The following ACYP1 variants were observed in gnomAD, a reference collection of about 807,000 sequenced individuals.
ACYP1 encodes the protein acylphosphatase 1, also known as acylphosphatase-1.
ACYP1 carries 8 observed loss-of-function variants against 10.4 expected under a neutral mutation model. The ratio of observed to expected loss-of-function variants is 0.77; its 90% CI spans 0.45 to 1.38. ACYP1 has a LOEUF of 1.38. Among genes scored for constraint, ACYP1 ranks in the 40% most tolerant of loss-of-function variants. The pLI, the probability that ACYP1 is intolerant of heterozygous loss-of-function variation, is 0.00. For missense variants in ACYP1, 93 were observed against 117.3 expected (o/e 0.79, Z 0.96); for synonymous variants, 38 against 40.8 (o/e 0.93, Z 0.26).
intron 1 of ACYP1, 90 bp from the exon 2 acceptor site, chr14:75,063,651 CATCCTTA>C: frequency 9.9e-7 from 1 of 1,012,366 alleles, no homozygotes; most frequent in Non-Finnish European, 1.5e-6. Flanking sequence ...CACCCCTGTC[CATCCTTA>C]ACCATTGCGA....
At chr14:75,059,563 G>T (rs1892968568) in intron 2 of ACYP1, among the ~76,000 whole-genome samples, 1 of 152,140 alleles carries the variant, frequency 6.6e-6, no homozygotes. Context: ...TCTGATAAGG[G>T]ACTAGTATCC....
At chr14:75,056,992 A>G (rs181756744) in intron 2 of ACYP1, among the ~76,000 whole-genome samples, 2 of 151,614 alleles carry the variant, frequency 1.3e-5, no homozygotes, top group African/African-American at 4.9e-5. Flanking sequence ...ACTCTACTCA[A>G]TATTATACTT....
exon 1 of ACYP1, chr14:75,069,292 C>T: frequency 7.0e-7 from 1 of 1,435,238 alleles, no homozygotes; most frequent in African/African-American, 1.5e-5. Flanking sequence ...ACGCCGGCAT[C>T]CTGCGGCGGA....
chr14:75,057,964 CAAAA>C (rs769312151), intron 2 of ACYP1, among the ~76,000 whole-genome samples: 18 of 38,808 alleles, frequency 4.6e-4, no homozygotes, highest in African/African-American at 3.2e-4. Context: ...GACTCTGTCT[CAAAA>C]AAAAAAAAAA....
Position 75,053,276 on chromosome 14 carries a change from G to T in ACYP1, c.*168C>A. ...TAACGTTTTTATTGATTAGATTTGT[G>T]TACAGTGGTAATCCTTCCATCATAC... is the stretch of plus-strand genomic sequence containing the variant. On this transcript the variant is annotated 3_prime_UTR_variant, in exon 3 of 3. Transcript: ENST00000238618. The T allele has an allele frequency of 1.6e-6, 1 of 643,378 alleles. No individual in the cohort carries two copies. Among genetic ancestry groups the T allele is most frequent in the Non-Finnish European group, 2.7e-6 (1 of 376,486 alleles). The allele number at this position is 643,378 out of a possible 1,614,324, so 39.9% of individuals were successfully genotyped here.
upstream of ACYP1, among the ~76,000 whole-genome samples, chr14:75,064,637 G>C (rs1893112138): frequency 6.6e-6 from 1 of 152,172 alleles, no homozygotes. Flanking sequence ...GGGAGGCTGA[G>C]GCAGGAGAAT....
rs1594789784 is a variant in ACYP1, at chr14:75,053,349, TGAC to T, written c.*92_*94del. 4.5e-6 allele frequency: 5 copies of T among 1,100,634 alleles called. No individual in the cohort carries two copies. The highest frequency in any genetic ancestry group is 6.7e-6 in the Non-Finnish European group (5 of 740,778). 68.2% of individuals were successfully genotyped at this position (1,100,634 alleles called of 1,614,324 possible). On this transcript the variant is annotated 3_prime_UTR_variant, in exon 3 of 3. Coordinates refer to ENST00000238618, the MANE Select transcript of ACYP1 (RefSeq NM_001107.5). ...AAAATCTGACATTAAAATAACTTAT[TGAC>T]TAATGCTAATATTAACACACAATAG...
chr14:75,058,834 C>T (rs533864164), intron 2 of ACYP1, among the ~76,000 whole-genome samples: 1 of 152,302 alleles, frequency 6.6e-6, no homozygotes, highest in South Asian at 2.1e-4. Flanking sequence ...TTTCCTACCT[C>T]ACATCACATA....
Position 75,053,666 on chromosome 14 carries a change from G to C in ACYP1, c.85-7C>G, listed in dbSNP as rs747850351. ...CCAGCTTTTTACCCTCAGCCTAAGG[G>C]GGGTAAAAAGAGAGAGAGATCCAGT... On this transcript the variant is annotated splice_region_variant and splice_polypyrimidine_tract_variant and intron_variant, in intron 2 of 2. Transcript: ENST00000238618. 2 of 1,612,264 alleles carry C rather than the reference G, an allele frequency of 1.2e-6. No individual in the cohort carries two copies. The highest frequency in any genetic ancestry group is 1.7e-6 in the Non-Finnish European group (2 of 1,178,414).
At chr14:75,062,850 A>G (rs1893062559) in intron 2 of ACYP1, among the ~76,000 whole-genome samples, 1 of 152,134 alleles carries the variant, frequency 6.6e-6, no homozygotes, top group Non-Finnish European at 1.5e-5. Context: ...CAGTTTGTCC[A>G]TCCCCTCAAA....
chr14:75,053,803 A>T (rs1406955822), intron 2 of ACYP1, 144 bp from the exon 3 acceptor site: 1 of 707,404 alleles, frequency 1.4e-6, no homozygotes, highest in South Asian at 1.9e-5. Flanking sequence ...AAAGACAGCA[A>T]GAAGGATCTC....
chr14:75,058,184 C>A (rs1892930877), intron 2 of ACYP1, among the ~76,000 whole-genome samples: 1 of 150,592 alleles, frequency 6.6e-6, no homozygotes, highest in African/African-American at 2.5e-5. Context: ...CACGGTGGCT[C>A]ACACCTGTAA....
chr14:75,069,389 C>T, exon 1 of ACYP1: 1 of 987,548 alleles, frequency 1.0e-6, no homozygotes, highest in East Asian at 3.2e-5. Flanking sequence ...CAGAAAAGTA[C>T]AAGTTCTTCT....
intron 2 of ACYP1, among the ~76,000 whole-genome samples, chr14:75,061,376 G>T (rs564034855): frequency 4.8e-4 from 73 of 152,258 alleles, no homozygotes; most frequent in Non-Finnish European, 9.8e-4. Flanking sequence ...ATTTAAATAA[G>T]AGGCTAGATA....
Position 75,054,806 on chromosome 14 carries a change from G to C in ACYP1, c.85-1147C>G, listed in dbSNP as rs1892834162. Reference sequence around the variant, plus strand: ...GGAAATTAAGGAATGAAGAAAAATAGAAGATGCCTACCTGATGCGCTGCTA... The same window carrying C: ...GGAAATTAAGGAATGAAGAAAAATACAAGATGCCTACCTGATGCGCTGCTA... On this transcript the variant is annotated intron_variant, in intron 2 of 2. Transcript: ENST00000238618. Among the ~76,000 whole-genome samples the C allele has an allele frequency of 1.3e-5, 2 of 151,468 alleles. 1 individual carries two copies. Among genetic ancestry groups the C allele is most frequent in the South Asian group, 4.2e-4 (2 of 4,758 alleles).
At position 75,053,357 on chromosome 14, in the gene ACYP1, G is replaced by T; in HGVS notation, c.*87C>A. The T allele has an allele frequency of 1.7e-6, 2 of 1,186,534 alleles. No individual in the cohort carries two copies. Among genetic ancestry groups the T allele is most frequent in the Non-Finnish European group, 2.5e-6 (2 of 811,102 alleles). 73.5% of individuals were successfully genotyped at this position (1,186,534 alleles called of 1,614,324 possible). A position where few individuals can be genotyped will look rare whatever the true frequency, so the allele number is the denominator to read the frequency against. On this transcript the variant is annotated 3_prime_UTR_variant, in exon 3 of 3. Coordinates refer to ENST00000238618, the MANE Select transcript of ACYP1 (RefSeq NM_001107.5). The stretch of plus-strand genomic sequence containing the variant: ...ACATTAAAATAACTTATTGACTAAT[G>T]CTAATATTAACACACAATAGTTCTA...
At chr14:75,053,780 G>T in intron 2 of ACYP1, 121 bp from the exon 3 acceptor site, 1 of 847,828 alleles carries the variant, frequency 1.2e-6, no homozygotes, top group Non-Finnish European at 1.8e-6. Flanking sequence ...ATATTGCCCA[G>T]AACAGTCAAA....
chr14:75,056,315 TATCCTC>T (rs1892876914), intron 2 of ACYP1, among the ~76,000 whole-genome samples: 1 of 151,606 alleles, frequency 6.6e-6, no homozygotes, highest in African/African-American at 2.4e-5. Flanking sequence ...AAGCCAGCAT[TATCCTC>T]ATACTAAAAC....
At chr14:75,058,802 T>C (rs1892946940) in intron 2 of ACYP1, among the ~76,000 whole-genome samples, 1 of 146,034 alleles carries the variant, frequency 6.8e-6, no homozygotes, top group Non-Finnish European at 1.5e-5. Flanking sequence ...TGGATATTCA[T>C]ATGCAAAAGA....
Sources: allele counts gnomAD v4.1 joint callset (sites outside exome capture counted in the v4.1 genomes callset), GRCh38; gene constraint gnomAD v4.1.1; transcripts MANE v1.5; gene names NCBI Gene and HGNC (gene_info 2026-07-23, HGNC 2026-07-21).